NRG1: variants seen among roughly 807,000 people sequenced by gnomAD.
The protein encoded by NRG1 is neuregulin 1, also known as pro-neuregulin-1, membrane-bound isoform.
NRG1 carries 18 observed loss-of-function variants against 63.8 expected under a neutral mutation model. That is an observed-to-expected ratio of 0.28 (90% confidence interval 0.19 to 0.42). NRG1 has a LOEUF of 0.42. NRG1 is among the 10% of genes least tolerant of loss of function. The pLI is 1.00. For missense variants in NRG1, 762 were observed against 814.7 expected (o/e 0.94, Z 0.79); for synonymous variants, 302 against 301.3 (o/e 1.00, Z -0.02).
chr8:32,260,246 AAAG>A (rs1464403869), intron 1 of NRG1, among the ~76,000 whole-genome samples: 4 of 152,250 alleles, frequency 2.6e-5, no homozygotes, highest in African/African-American at 9.6e-5. Flanking sequence ...CATGGGGCTG[AAAG>A]AAGGAAGTCT....
chr8:31,857,778 A>G (rs1431312924), intron 1 of NRG1, among the ~76,000 whole-genome samples: 1 of 152,204 alleles, frequency 6.6e-6, no homozygotes, highest in Non-Finnish European at 1.5e-5. Context: ...TAAAAAGCAA[A>G]TTCAAGCAAT....
intron 1 of NRG1, among the ~76,000 whole-genome samples, chr8:32,085,790 A>C (rs1828123850): frequency 6.6e-6 from 1 of 152,200 alleles, no homozygotes; most frequent in Admixed American, 6.5e-5. Context: ...TGCTATTCAG[A>C]ATTTAAGTGA....
rs552194265 is a variant in NRG1 at position 31,807,059 on chromosome 8, G to T, written c.37+167628G>T. Among the ~76,000 whole-genome samples, 3 of 152,304 alleles carry T rather than the reference G, an allele frequency of 2.0e-5. No homozygotes were observed. The East Asian group carries it at 5.8e-4, about 29-fold the overall frequency. On this transcript the variant is annotated intron_variant, in intron 1 of 10. Transcript: ENST00000519301. ...AGACAATGCTTTGTCAAATTCACTTGTTATCACAATCTAATTGTGTTAAAT... is the reference window on the plus strand; with the variant it reads ...AGACAATGCTTTGTCAAATTCACTTTTTATCACAATCTAATTGTGTTAAAT...
intron 7 of NRG1, among the ~76,000 whole-genome samples, chr8:32,744,247 G>A (rs563548728): frequency 7.9e-5 from 12 of 152,150 alleles, no homozygotes; most frequent in South Asian, 2.1e-4. Flanking sequence ...GATTAGACCC[G>A]TAATGTGCAA....
intron 1 of NRG1, among the ~76,000 whole-genome samples, chr8:31,731,298 G>C (rs1252070572): frequency 6.6e-6 from 1 of 151,990 alleles, no homozygotes; most frequent in Non-Finnish European, 1.5e-5. Context: ...CAACTGAAGA[G>C]GAATTAGGGT....
chr8:31,887,010 C>T (rs1451891539), intron 1 of NRG1, among the ~76,000 whole-genome samples: 1 of 152,054 alleles, frequency 6.6e-6, no homozygotes, highest in African/African-American at 2.4e-5. Context: ...CTTGCTATCA[C>T]GGTAATTACT....
chr8:32,412,184 C>T (rs1320509340), intron 1 of NRG1, among the ~76,000 whole-genome samples: 3 of 151,966 alleles, frequency 2.0e-5, no homozygotes, highest in Non-Finnish European at 2.9e-5. Flanking sequence ...CCTTCAAGCT[C>T]AAATGCAAAT....
At chr8:32,079,148 T>TAC (rs143380574) in intron 1 of NRG1, among the ~76,000 whole-genome samples, 10,419 of 145,058 alleles carry the variant, frequency 0.072, 402 homozygotes, top group South Asian at 0.14. Context: ...TAGAATGAAA[T>TAC]ACACACACAC....
At position 31,916,494 on chromosome 8, in the gene NRG1, G is replaced by T. The variant is rs1413906333; in HGVS notation, c.37+277063G>T. ...CTTGCAATAGTTTACTGAGAATGAT[G>T]ATTTCCAATTTCATCCACGTCCCTA... On this transcript the variant is annotated intron_variant, in intron 1 of 10. Coordinates refer to the NRG1 transcript ENST00000519301. Among the ~76,000 whole-genome samples the T allele has an allele frequency of 5.9e-5, 9 of 152,128 alleles. No homozygotes were observed. In the East Asian group the frequency reaches 1.5e-3, roughly 26 times the overall value.
intron 1 of NRG1, among the ~76,000 whole-genome samples, chr8:31,768,446 T>G (rs1339667980): frequency 6.6e-6 from 1 of 152,182 alleles, no homozygotes; most frequent in Non-Finnish European, 1.5e-5. Flanking sequence ...GTTTACTACT[T>G]AAGCTCTCTG....
chr8:32,612,456 T>C (rs1285152051), intron 3 of NRG1, among the ~76,000 whole-genome samples: 1 of 152,074 alleles, frequency 6.6e-6, no homozygotes, highest in Non-Finnish European at 1.5e-5. Context: ...TCAGAAAGTT[T>C]GTATTTGAAA....
intron 1 of NRG1, among the ~76,000 whole-genome samples, chr8:32,418,938 A>G (rs957930062): frequency 6.6e-6 from 1 of 152,180 alleles, no homozygotes; most frequent in Non-Finnish European, 1.5e-5. Context: ...CATTTATGAA[A>G]ACAGAATACA....
At chr8:32,517,497 G>T (rs950891544) in intron 1 of NRG1, among the ~76,000 whole-genome samples, 6 of 152,082 alleles carry the variant, frequency 3.9e-5, no homozygotes, top group Non-Finnish European at 8.8e-5. Context: ...TTCATCAAAA[G>T]AAAACAAAAG....
intron 1 of NRG1, among the ~76,000 whole-genome samples, chr8:31,908,187 C>T (rs1832678567): frequency 1.3e-5 from 2 of 152,136 alleles, no homozygotes; most frequent in African/African-American, 4.8e-5. Context: ...TCATTAACAC[C>T]TCTCCCTGTA....
chr8:32,400,847 T>A (rs1419224198), intron 1 of NRG1, among the ~76,000 whole-genome samples: 1 of 152,204 alleles, frequency 6.6e-6, no homozygotes, highest in Non-Finnish European at 1.5e-5. Flanking sequence ...CATATGTTCA[T>A]CATAGATAGC....
At chr8:32,439,469 G>C (rs988305703) in intron 1 of NRG1, among the ~76,000 whole-genome samples, 1 of 152,062 alleles carries the variant, frequency 6.6e-6, no homozygotes, top group Non-Finnish European at 1.5e-5. Flanking sequence ...AATTTCTCTA[G>C]TGAAACCTGA....
At chr8:32,363,730 A>C (rs1328025399) in intron 1 of NRG1, among the ~76,000 whole-genome samples, 1 of 151,910 alleles carries the variant, frequency 6.6e-6, no homozygotes, top group African/African-American at 2.4e-5. Context: ...TTTTTTTTAC[A>C]TTAAAAACAA....
intron 1 of NRG1, among the ~76,000 whole-genome samples, chr8:32,366,700 T>TATATAC (rs1321426796): frequency 8.7e-6 from 1 of 115,256 alleles, no homozygotes; most frequent in Non-Finnish European, 1.9e-5. Flanking sequence ...TATATATATA[T>TATATAC]ATATATATAT....
At chr8:32,540,334 A>G (rs1019084255) in intron 1 of NRG1, among the ~76,000 whole-genome samples, 2 of 152,224 alleles carry the variant, frequency 1.3e-5, no homozygotes, top group Non-Finnish European at 2.9e-5. Flanking sequence ...TAATAAATAT[A>G]TCTGATAAGA....
Sources: gnomAD v4.1 joint callset for allele counts (sites outside exome capture counted in the v4.1 genomes callset) on GRCh38, gnomAD v4.1.1 for gene constraint, MANE v1.5 for transcripts, NCBI Gene and HGNC (gene_info 2026-07-23, HGNC 2026-07-21) for gene names.